The following CACNA2D4 variants were observed in gnomAD, a reference collection of about 807,000 sequenced individuals.
CACNA2D4 encodes calcium voltage-gated channel auxiliary subunit alpha2delta 4.
CACNA2D4 carries 157 observed loss-of-function variants against 163.8 expected under a neutral mutation model. The ratio of observed to expected loss-of-function variants is 0.96; its 90% CI spans 0.84 to 1.09. The LOEUF (loss-of-function observed/expected upper bound fraction) is 1.09. Among genes scored for constraint, CACNA2D4 ranks in the 50% least tolerant of loss-of-function variants. The probability of loss-of-function intolerance (pLI) is 0.00; values close to 1 mark genes in which losing one functional copy is unlikely to be tolerated. For synonymous variants in CACNA2D4, 598 were observed against 586.9 expected, an observed-to-expected ratio of 1.02 and a Z score of -0.27; for missense variants, 1,410 against 1,479.9, an observed-to-expected ratio of 0.95 and a Z score of 0.78.
intron 27 of CACNA2D4, among the ~76,000 whole-genome samples, chr12:1,810,802 G>A (rs34708777): frequency 0.084 from 12,792 of 152,232 alleles, 697 homozygotes; most frequent in Admixed American, 0.19. Context: ...GCATGTGTGT[G>A]TCTATGTGTG....
In CACNA2D4 at chr12:1,793,716, G is replaced by A. The variant is rs763299099; in HGVS notation, c.3353C>T (p.Ser1118Leu). Residue 1118 changes from serine (S) to leucine (L), a missense_variant, in exon 38 of 38, where the codon TCG (serine) becomes TTG (leucine). Ser to Leu is a moderately radical substitution (Grantham distance 145). Transcript: ENST00000382722. ...CACAGGCAGCAGGAGTAGGGGCGGC[G>A]AGGCTGAGGTGTCCGAGGCGCCGCC... ...DCGGASDTSA[S>L]PPLLLLPVCA... The A allele has an allele frequency of 1.5e-5, 24 of 1,613,410 alleles. No individual in the cohort carries two copies. Among genetic ancestry groups the A allele is most frequent in the African/African-American group, 8.0e-5 (6 of 74,940 alleles).
chr12:1,800,013 G>A lies in CACNA2D4; in HGVS notation c.2961C>T (p.Asp987=). 1 of 1,604,816 alleles carries A rather than the reference G, an allele frequency of 6.2e-7. No homozygotes were observed. The highest frequency in any genetic ancestry group is 1.7e-4 in the Middle Eastern group (1 of 6,044). The part of the protein sequence containing the change: ...LEWSVWGSWY[D]RGAEAKSVFH... ...CCGTGCACTCACCCTCGGCCCCTCT[G>A]TCGTACCAGGAGCCCCAGACACTCC... Residue 987 remains aspartate, a synonymous_variant, in exon 33 of 38, where the codon GAC becomes GAT. Coordinates refer to ENST00000382722, the MANE Select transcript of CACNA2D4 (RefSeq NM_172364.5).
Position 1,886,271 on chromosome 12 carries a change from G to A in CACNA2D4, c.945C>T (p.Thr315=), listed in dbSNP as rs749349818. 1 of 1,613,622 alleles carries A rather than the reference G, an allele frequency of 6.2e-7. No individual in the cohort carries two copies. Among genetic ancestry groups the A allele is most frequent in the Non-Finnish European group, 8.5e-7 (1 of 1,179,556 alleles). ...TCTCCCCCAGGGTGTCCAAGATGGT[G>A]GTGATGGTGTGCTTGGCAATAGTCA... ...LRMTIAKHTI[T]TILDTLGEND... Residue 315 remains threonine, a synonymous_variant, in exon 8 of 38, where the codon ACC becomes ACT. Transcript: ENST00000382722.
intron 6 of CACNA2D4, among the ~76,000 whole-genome samples, chr12:1,905,187 A>T (rs2190770): frequency 5.9e-5 from 9 of 151,818 alleles, no homozygotes; most frequent in African/African-American, 2.2e-4. Flanking sequence ...CAAAAACATT[A>T]AAAAAACTAG....
intron 6 of CACNA2D4, among the ~76,000 whole-genome samples, chr12:1,907,127 A>T (rs1028794300): frequency 2.6e-5 from 4 of 152,242 alleles, no homozygotes; most frequent in Admixed American, 2.6e-4. Flanking sequence ...TCCTTAAGGT[A>T]AAGAATTGTT....
rs749266762 is a variant in CACNA2D4, at chr12:1,795,302, T to C, written c.3306A>G (p.Pro1102=). 4 of 1,613,092 alleles carry C rather than the reference T, an allele frequency of 2.5e-6. No individual in the cohort carries two copies. The highest frequency in any genetic ancestry group is 2.2e-5 in the South Asian group (2 of 90,986). ...CTCGATCCGCCTCAACCCGCACCTC[T>C]GGATGGAAGGCGTGGCAGGAGTCTG... ...RRPDSCHAFH[P]EENAQDCGGA... is the part of the protein sequence containing the mutation. Residue 1102 remains proline, a synonymous_variant, in exon 37 of 38, where the codon CCA becomes CCG. Coordinates refer to ENST00000382722, the MANE Select transcript of CACNA2D4 (RefSeq NM_172364.5).
chr12:1,811,032 T>C (rs1052024537), intron 27 of CACNA2D4, among the ~76,000 whole-genome samples: 1 of 152,132 alleles, frequency 6.6e-6, no homozygotes, highest in Non-Finnish European at 1.5e-5. Flanking sequence ...GCACTGGCTG[T>C]CTGGTTGAGG....
Position 1,799,787 on chromosome 12 carries a change from G to T in CACNA2D4, c.2975-92C>A. Reference sequence around the variant, plus strand: ...AGGATGTCATGGGGTGGTGATGATGGCACATGGAGTGGCGGTGTCCCAAGA... The same window carrying T: ...AGGATGTCATGGGGTGGTGATGATGTCACATGGAGTGGCGGTGTCCCAAGA... On this transcript the variant is annotated intron_variant, in intron 33 of 37. Transcript: ENST00000382722. The surrounding 1 kb of genome is among the most constrained non-coding windows in gnomAD (Gnocchi z 4.7). 6.8e-7 allele frequency: 1 copy of T among 1,472,976 alleles called. No homozygotes were observed. The highest frequency in any genetic ancestry group is 9.3e-7 in the Non-Finnish European group (1 of 1,076,514). 91.2% of individuals were successfully genotyped at this position (1,472,976 alleles called of 1,614,324 possible).
At chr12:1,801,456 T>C (rs1187757561) in intron 30 of CACNA2D4, 118 bp downstream of exon 30, 14 of 877,190 alleles carry the variant, frequency 1.6e-5, no homozygotes, top group South Asian at 2.9e-5. Context: ...TTGCAGCTCT[T>C]TGGGGGCACC....
Position 1,834,496 on chromosome 12 carries a change from G to A in CACNA2D4, c.2551+6243C>T, listed in dbSNP as rs1473739710. On this transcript the variant is annotated intron_variant, in intron 26 of 37. Transcript: ENST00000382722. The surrounding 1 kb of genome is among the most constrained non-coding windows in gnomAD (Gnocchi z 7.6). ...AGCCCAGCACAGCCTGCCCACAGAA[G>A]CAGAGGCACCGGCCGGCGAGCGTGA... 7 of 1,608,906 alleles carry A rather than the reference G, an allele frequency of 4.4e-6. No individual in the cohort carries two copies. The highest frequency in any genetic ancestry group is 5.9e-6 in the Non-Finnish European group (7 of 1,179,860).
intron 6 of CACNA2D4, among the ~76,000 whole-genome samples, chr12:1,890,599 C>T (rs1866256751): frequency 6.6e-6 from 1 of 152,174 alleles, no homozygotes; most frequent in African/African-American, 2.4e-5. Flanking sequence ...CTGAAAGCAA[C>T]CTCACCCTCC....
intron 34 of CACNA2D4, 163 bp from the exon 35 acceptor site, chr12:1,797,698 G>A (rs1863176276): frequency 1.5e-6 from 1 of 671,192 alleles, no homozygotes; most frequent in South Asian, 1.6e-5. Context: ...GGGGGGTGAG[G>A]GGAGGGAAGA....
Position 1,800,056 on chromosome 12 carries a change from T to C in CACNA2D4, c.2922-4A>G, listed in dbSNP as rs2154445239. ...GACACTCCACTCCAGCAGGAACCTG[T>C]CAGACACAGGACTGAATCTCGGAGA... On this transcript the variant is annotated splice_region_variant and splice_polypyrimidine_tract_variant and intron_variant, in intron 32 of 37. Coordinates refer to ENST00000382722, the MANE Select transcript of CACNA2D4 (RefSeq NM_172364.5). 1.3e-6 allele frequency: 2 copies of C among 1,598,074 alleles called. No homozygotes were observed. The highest frequency in any genetic ancestry group is 1.7e-6 in the Non-Finnish European group (2 of 1,172,490).
At chr12:1,902,979 A>C (rs1023587258) in intron 6 of CACNA2D4, among the ~76,000 whole-genome samples, 1 of 152,150 alleles carries the variant, frequency 6.6e-6, no homozygotes, top group Non-Finnish European at 1.5e-5. Context: ...ACAGAGCTAT[A>C]GTAACCAAAA....
At chr12:1,801,707 G>A in intron 29 of CACNA2D4, 63 bp from the exon 30 acceptor site, 1 of 1,160,930 alleles carries the variant, frequency 8.6e-7, no homozygotes. Flanking sequence ...GGAGCCTTCC[G>A]AGTCCAGCAC....
chr12:1,833,065 G>A lies in CACNA2D4; in HGVS notation c.2551+7674C>T, dbSNP rs576787147. 1.4e-4 allele frequency among the ~76,000 whole-genome samples: 21 copies of A among 152,244 alleles called. No homozygotes were observed. The highest frequency in any genetic ancestry group is 3.4e-4 in the African/African-American group (14 of 41,542). On this transcript the variant is annotated intron_variant, in intron 26 of 37. Coordinates refer to ENST00000382722, the MANE Select transcript of CACNA2D4 (RefSeq NM_172364.5). The surrounding 1 kb of genome is among the most constrained non-coding windows in gnomAD (Gnocchi z 4.2). ...CAGACCCTCCTCTCCTGTGGTCGCC[G>A]GGAACTGAATTCCCAGCACAAAAAT...
intron 23 of CACNA2D4, 38 bp downstream of exon 23, chr12:1,853,913 G>A: frequency 6.6e-7 from 1 of 1,512,022 alleles, no homozygotes; most frequent in East Asian, 2.3e-5. Context: ...AATTCTGGGG[G>A]CTGGTTGGGG....
chr12:1,811,837 C>T (rs1033974648), intron 26 of CACNA2D4, 114 bp from the exon 27 acceptor site: 13 of 1,002,720 alleles, frequency 1.3e-5, no homozygotes, highest in East Asian at 8.4e-5. Flanking sequence ...GAGACCGCAG[C>T]GGATGGGAGG....
At chr12:1,901,423 A>T (rs1866534755) in intron 6 of CACNA2D4, among the ~76,000 whole-genome samples, 2 of 152,014 alleles carry the variant, frequency 1.3e-5, no homozygotes, top group Non-Finnish European at 2.9e-5. Context: ...TTTAAAAAAG[A>T]TAAACAAAAT....
Sources: allele counts gnomAD v4.1 joint callset (sites outside exome capture counted in the v4.1 genomes callset), GRCh38; gene constraint gnomAD v4.1.1; non-coding constraint Gnocchi (gnomAD v3.1); transcripts MANE v1.5; gene names NCBI Gene and HGNC (gene_info 2026-07-23, HGNC 2026-07-21).